NKAIN3: variants seen among roughly 807,000 people sequenced by gnomAD.
The protein encoded by NKAIN3 is sodium/potassium transporting ATPase interacting 3.
A neutral mutation model predicts 30.2 loss-of-function variants in NKAIN3; 25 were observed. The ratio of observed to expected loss-of-function variants is 0.83; its 90% CI spans 0.60 to 1.16. The LOEUF (loss-of-function observed/expected upper bound fraction) is 1.16. NKAIN3 is among the 50% of genes most tolerant of loss of function. The pLI is 0.00. For missense variants in NKAIN3, 225 were observed against 254.1 expected, an observed-to-expected ratio of 0.89 and a Z score of 0.78; for synonymous variants, 91 against 89.6, an observed-to-expected ratio of 1.02 and a Z score of -0.09.
chr8:62,812,914 A>G (rs553182658), intron 4 of NKAIN3, among the ~76,000 whole-genome samples: 4 of 151,946 alleles, frequency 2.6e-5, no homozygotes, highest in Non-Finnish European at 5.9e-5. Flanking sequence ...CATTAAAATT[A>G]TTGACACATC....
At chr8:62,945,101 CA>C (rs1450494225) in intron 5 of NKAIN3, among the ~76,000 whole-genome samples, 5 of 152,060 alleles carry the variant, frequency 3.3e-5, no homozygotes, top group Admixed American at 2.6e-4. Flanking sequence ...TAAGAGCAGA[CA>C]AAAATTTTTC....
At chr8:62,286,948 C>G (rs1260129266) in intron 1 of NKAIN3, among the ~76,000 whole-genome samples, 1 of 151,636 alleles carries the variant, frequency 6.6e-6, no homozygotes, top group Non-Finnish European at 1.5e-5. Flanking sequence ...CTTTGCAGAC[C>G]TTTGAGGAAA....
chr8:62,915,737 T>C (rs1035224887), intron 4 of NKAIN3, among the ~76,000 whole-genome samples: 5 of 151,812 alleles, frequency 3.3e-5, no homozygotes, highest in African/African-American at 1.2e-4. Flanking sequence ...TTCTAACATA[T>C]GGTTTAGTAA....
chr8:62,820,498 G>T (rs532716370), intron 4 of NKAIN3, among the ~76,000 whole-genome samples: 1 of 152,240 alleles, frequency 6.6e-6, no homozygotes, highest in East Asian at 1.9e-4. Flanking sequence ...GAGGGAGGAC[G>T]TAATGAGCAC....
intron 3 of NKAIN3, among the ~76,000 whole-genome samples, chr8:62,607,190 A>G (rs1811155684): frequency 6.6e-6 from 1 of 152,184 alleles, no homozygotes; most frequent in Non-Finnish European, 1.5e-5. Flanking sequence ...TAGGCCAGTT[A>G]TTGTACACAT....
chr8:62,325,439 A>G (rs1002494607), intron 1 of NKAIN3, among the ~76,000 whole-genome samples: 2 of 152,138 alleles, frequency 1.3e-5, no homozygotes, highest in South Asian at 2.1e-4. Context: ...GCTGCTATAA[A>G]CATGCATGTC....
chr8:62,670,615 A>G, intron 3 of NKAIN3, among the ~76,000 whole-genome samples: 1 of 119,150 alleles, frequency 8.4e-6, no homozygotes, highest in East Asian at 3.6e-4. Flanking sequence ...TCTTTTGTAT[A>G]TGGCCTTTTC....
intron 5 of NKAIN3, among the ~76,000 whole-genome samples, chr8:62,993,774 G>A (rs915752952): frequency 4.6e-5 from 7 of 152,172 alleles, no homozygotes; most frequent in African/African-American, 1.7e-4. Flanking sequence ...CATTACCTAA[G>A]GCAGCCTATG....
At chr8:62,569,345 C>T (rs1056377047) in intron 1 of NKAIN3, among the ~76,000 whole-genome samples, 12 of 152,132 alleles carry the variant, frequency 7.9e-5, no homozygotes, top group African/African-American at 2.9e-4. Context: ...TGGCCTAACG[C>T]ATGCTGATGT....
intron 1 of NKAIN3, among the ~76,000 whole-genome samples, chr8:62,477,089 G>C (rs1181310822): frequency 6.6e-6 from 1 of 152,130 alleles, no homozygotes; most frequent in Non-Finnish European, 1.5e-5. Flanking sequence ...AAAAAGTCAG[G>C]GCAGGAAATG....
At chr8:62,681,023 T>A (rs1442210764) in intron 3 of NKAIN3, among the ~76,000 whole-genome samples, 1 of 152,200 alleles carries the variant, frequency 6.6e-6, no homozygotes, top group African/African-American at 2.4e-5. Context: ...AAAATTAGAA[T>A]TATTTCAATA....
intron 4 of NKAIN3, among the ~76,000 whole-genome samples, chr8:62,782,797 T>C (rs1224446462): frequency 6.7e-6 from 1 of 148,392 alleles, no homozygotes; most frequent in Non-Finnish European, 1.5e-5. Context: ...AGTGGGTGAA[T>C]AGAAGAAGGG....
chr8:62,669,899 C>T (rs1813245697), intron 3 of NKAIN3, among the ~76,000 whole-genome samples: 1 of 152,154 alleles, frequency 6.6e-6, no homozygotes, highest in Non-Finnish European at 1.5e-5. Flanking sequence ...TGGAGAGTCA[C>T]TTGATTTTTA....
chr8:62,784,766 G>A (rs960879936), intron 4 of NKAIN3, among the ~76,000 whole-genome samples: 1 of 151,890 alleles, frequency 6.6e-6, no homozygotes, highest in Admixed American at 6.6e-5. Context: ...CTGTTGGGCT[G>A]GTATTACTTA....
intron 3 of NKAIN3, among the ~76,000 whole-genome samples, chr8:62,728,643 C>T (rs967885986): frequency 1.3e-5 from 2 of 150,742 alleles, no homozygotes; most frequent in Admixed American, 6.6e-5. Flanking sequence ...CCAGCCTGGG[C>T]GACAAGAACG....
chr8:62,798,139 A>T (rs142282832), intron 4 of NKAIN3, among the ~76,000 whole-genome samples: 140 of 152,248 alleles, frequency 9.2e-4, no homozygotes, highest in African/African-American at 3.1e-3. Context: ...CCAAGCAGAC[A>T]ATTCCTCATG....
In NKAIN3 at chr8:62,965,955, C is replaced by G. The variant is rs983763711; in HGVS notation, c.*548C>G. On this transcript the variant is annotated 3_prime_UTR_variant, in exon 7 of 7. Transcript: ENST00000623646. ...AGCATAAAACAAAACATGGAGTCCT[C>G]CTTTGTTCCTGACTTCTTAAAACCC... 5 of 984,562 alleles carry G rather than the reference C, an allele frequency of 5.1e-6. No individual in the cohort carries two copies. Among genetic ancestry groups the G allele is most frequent in the African/African-American group, 1.7e-5 (1 of 57,220 alleles). The allele number at this position is 984,562 out of a possible 1,614,324, so 61.0% of individuals were successfully genotyped here. A position where few individuals can be genotyped will look rare whatever the true frequency, so the allele number is the denominator to read the frequency against.
rs190088125 is a variant in NKAIN3 at position 62,704,551 on chromosome 8, A to T, written c.274-42381A>T. ...TGTAGGCTCATATGTAAAAGTTGGG[A>T]TAAGAATTGCTCAAAAGCTCTTAAT... On this transcript the variant is annotated intron_variant, in intron 3 of 6. Coordinates refer to ENST00000623646, the MANE Select transcript of NKAIN3 (RefSeq NM_001304533.3). Among the ~76,000 whole-genome samples, 21 of 152,232 alleles carry T rather than the reference A, an allele frequency of 1.4e-4. No individual in the cohort carries two copies. In the East Asian group the frequency reaches 4.1e-3, roughly 29 times the overall value.
chr8:62,696,696 G>T (rs75224291), intron 3 of NKAIN3, among the ~76,000 whole-genome samples: 2 of 151,804 alleles, frequency 1.3e-5, no homozygotes, highest in Non-Finnish European at 2.9e-5. Context: ...AAATTGTAAC[G>T]TACAAAACGA....
Sources: gnomAD v4.1 joint callset for allele counts (sites outside exome capture counted in the v4.1 genomes callset) on GRCh38, gnomAD v4.1.1 for gene constraint, MANE v1.5 for transcripts, NCBI Gene and HGNC (gene_info 2026-07-23, HGNC 2026-07-21) for gene names.